Variants in INPP5K observed in about 807,000 individuals in gnomAD.
The protein encoded by INPP5K is inositol polyphosphate-5-phosphatase K.
A neutral mutation model predicts 53.5 loss-of-function variants in INPP5K; 35 were observed. That is an observed-to-expected ratio of 0.65 (90% confidence interval 0.50 to 0.87). INPP5K has a LOEUF of 0.87. Among genes scored for constraint, INPP5K ranks in the 40% least tolerant of loss-of-function variants. The pLI is 0.00. For synonymous variants in INPP5K, 253 were observed against 232.8 expected (o/e 1.09, Z -0.79); for missense variants, 550 against 586.2 (o/e 0.94, Z 0.64).
chr17:1,496,420 G>A lies in INPP5K; in HGVS notation c.1102-18C>T, dbSNP rs1338307579. The A allele has an allele frequency of 1.9e-6, 3 of 1,548,272 alleles. No individual in the cohort carries two copies. The Admixed American group carries it at 5.8e-5, about 30-fold the overall frequency. ...AGCCCCACCTGTGAGGGGGAGTCAG[G>A]CCATCAGTGGTCAGGGAGGACATGG... On this transcript the variant is annotated intron_variant, in intron 9 of 11. Coordinates refer to ENST00000421807, the MANE Select transcript of INPP5K (RefSeq NM_016532.4).
At chr17:1,496,198 C>G in intron 10 of INPP5K, 34 bp from the exon 11 acceptor site, 1 of 1,544,680 alleles carries the variant, frequency 6.5e-7, no homozygotes, top group Non-Finnish European at 8.9e-7. Flanking sequence ...GGGTCAGCTC[C>G]AGGGCTCTGG....
intron 7 of INPP5K, among the ~76,000 whole-genome samples, chr17:1,506,235 G>T (rs1039638578): frequency 6.6e-6 from 1 of 152,108 alleles, no homozygotes; most frequent in South Asian, 2.1e-4. Flanking sequence ...TGTTGGTCAG[G>T]CTGGTCTCAA....
chr17:1,513,944 G>A lies in INPP5K; in HGVS notation c.80C>T (p.Ala27Val). ...CAGGTCACTGAGATCTAGAGGGGGC[G>A]CTGCCGAAGCCACGTTCCAAGTCAC... ...HVVTWNVASA[A>V]PPLDLSDLLQ... Residue 27 changes from alanine (A) to valine (V), a missense_variant, in exon 2 of 12, where the codon GCG (alanine) becomes GTG (valine). Ala to Val is a moderately conservative substitution (Grantham distance 64). Coordinates refer to ENST00000421807, the MANE Select transcript of INPP5K (RefSeq NM_016532.4). 6.2e-6 allele frequency: 10 copies of A among 1,612,562 alleles called. No individual in the cohort carries two copies. Among genetic ancestry groups the A allele is most frequent in the East Asian group, 2.2e-5 (1 of 44,844 alleles).
rs759025302 is a variant in INPP5K at position 1,498,018 on chromosome 17, G to T, written c.881C>A (p.Ser294Tyr). The stretch of plus-strand genomic sequence containing the variant: ...GCTGCTGTAGCCCCTCAGAGACAAG[G>T]AGAAGTGTGACGCCGGCGGTATGGG... Reference protein sequence around the residue: ...DTPIPPASHFSLSLRGYSSHM... With the variant: ...DTPIPPASHFYLSLRGYSSHM... The change falls in exon 8 of 12, where the codon TCC (serine) becomes TAC (tyrosine). Residue 294 changes from serine to tyrosine, a missense_variant. Coordinates refer to ENST00000421807, the MANE Select transcript of INPP5K (RefSeq NM_016532.4). 6.2e-7 allele frequency: 1 copy of T among 1,614,188 alleles called. No individual in the cohort carries two copies. The highest frequency in any genetic ancestry group is 1.1e-5 in the South Asian group (1 of 91,082).
intron 1 of INPP5K, 126 bp from the exon 2 acceptor site, chr17:1,514,105 C>T (rs1374624445): frequency 2.0e-6 from 1 of 506,886 alleles, no homozygotes; most frequent in African/African-American, 2.0e-5. Context: ...GGCGGATCAC[C>T]TGAGGTCGGG....
At chr17:1,496,983 G>GA (rs1178605006) in intron 8 of INPP5K, among the ~76,000 whole-genome samples, 180 bp from the exon 9 acceptor site, 1 of 152,220 alleles carries the variant, frequency 6.6e-6, no homozygotes, top group African/African-American at 2.4e-5. Context: ...AAAGAGGGCC[G>GA]AACACCAGTC....
At chr17:1,514,567 G>A (rs1048244313) in intron 1 of INPP5K, among the ~76,000 whole-genome samples, 14 of 152,144 alleles carry the variant, frequency 9.2e-5, no homozygotes, top group East Asian at 3.9e-4. Context: ...TAGCAGAGTC[G>A]CCAAAGGGAG....
chr17:1,499,919 TCTCA>T lies in INPP5K; in HGVS notation c.777-1801_777-1798del, dbSNP rs549240152. Among the ~76,000 whole-genome samples, 719 of 152,366 alleles carry T rather than the reference TCTCA, an allele frequency of 4.7e-3. 3 individuals are homozygous for T. The highest frequency in any genetic ancestry group is 7.6e-3 in the Non-Finnish European group (518 of 68,032). ...TCTCATCTATTGATCGATCGACAGGTCTCACTGTGTTGAATCCTATCTACCTACC... is the reference window on the plus strand; with the variant it reads ...TCTCATCTATTGATCGATCGACAGGTCTGTGTTGAATCCTATCTACCTACC... On this transcript the variant is annotated intron_variant, in intron 7 of 11. Transcript: ENST00000421807.
intron 7 of INPP5K, among the ~76,000 whole-genome samples, chr17:1,504,582 C>T (rs7208369): frequency 0.022 from 3,345 of 152,312 alleles, 130 homozygotes; most frequent in African/African-American, 0.075. Flanking sequence ...TCTACAGACA[C>T]AGATATGAGT....
Position 1,507,055 on chromosome 17 carries a change from C to A in INPP5K, c.701G>T (p.Arg234Leu). The A allele has an allele frequency of 6.2e-7, 1 of 1,613,964 alleles. No individual in the cohort carries two copies. Among genetic ancestry groups the A allele is most frequent in the Non-Finnish European group, 8.5e-7 (1 of 1,179,952 alleles). The change falls in exon 7 of 12, where the codon CGG becomes CTG. Residue 234 changes from arginine to leucine, a missense_variant. Physicochemically the swap from Arg to Leu is moderately radical, Grantham distance 102 (BLOSUM62 -2). Transcript: ENST00000421807. Reference sequence around the variant, plus strand: ...GAGTAGGCGGCCCTCCTGGAACTCCCGGAGCAGCGGGTCATGTTTCTTGGC... The same window carrying A: ...GAGTAGGCGGCCCTCCTGGAACTCCAGGAGCAGCGGGTCATGTTTCTTGGC... ...SIAKKHDPLL[R>L]EFQEGRLLFP...
Position 1,494,936 on chromosome 17 carries a change from C to CT in INPP5K, c.*886dup, listed in dbSNP as rs1321995608. Reference sequence around the variant, plus strand: ...GTTCTCCCTTCTGCCTGCCCCCACTCTGAGGTCCCGGGGGGTCCAGGGGGG... The same window carrying CT: ...GTTCTCCCTTCTGCCTGCCCCCACTCTTGAGGTCCCGGGGGGTCCAGGGGGG... On this transcript the variant is annotated 3_prime_UTR_variant, in exon 12 of 12. Coordinates refer to ENST00000421807, the MANE Select transcript of INPP5K (RefSeq NM_016532.4). The CT allele has an allele frequency of 6.6e-6, 1 of 152,386 alleles. No individual in the cohort carries two copies. The highest frequency in any genetic ancestry group is 1.5e-5 in the Non-Finnish European group (1 of 68,166). The allele number at this position is 152,386 out of a possible 1,614,324, so 9.4% of individuals were successfully genotyped here.
rs2074816454 is a variant in INPP5K at position 1,495,826 on chromosome 17, G to C, written c.1344C>G (p.Ile448Met). The C allele has an allele frequency of 2.5e-6, 4 of 1,612,240 alleles. No homozygotes were observed. The highest frequency in any genetic ancestry group is 3.4e-6 in the Non-Finnish European group (4 of 1,178,568). Residue 448 changes from isoleucine to methionine, a missense_variant, in exon 12 of 12, where the codon ATC becomes ATG. By Grantham distance (10) the Ile-to-Met change is conservative. Coordinates refer to ENST00000421807, the MANE Select transcript of INPP5K (RefSeq NM_016532.4). The stretch of plus-strand genomic sequence containing the variant: ...TGGGATTCACTCCCATCCTGGCTCA[G>C]ATCTGTGGCTGTGCTTCACCCAGTG... ...EDPLGEAQPQI is the reference protein window; with the variant it reads ...EDPLGEAQPQM
intron 3 of INPP5K, 88 bp from the exon 4 acceptor site, chr17:1,509,887 G>T (rs1358818814): frequency 2.3e-5 from 17 of 747,348 alleles, no homozygotes. Context: ...ACTCTAGAGA[G>T]CCCTCAGCTA....
intron 7 of INPP5K, among the ~76,000 whole-genome samples, chr17:1,505,055 T>C (rs2075121047): frequency 1.3e-5 from 2 of 152,126 alleles, no homozygotes; most frequent in Admixed American, 6.5e-5. Flanking sequence ...CTCCTGGAGG[T>C]CTCTCTGCCA....
intron 3 of INPP5K, among the ~76,000 whole-genome samples, chr17:1,512,688 C>G (rs1332817736): frequency 3.3e-5 from 5 of 152,124 alleles, no homozygotes; most frequent in African/African-American, 1.2e-4. Flanking sequence ...TGTGGACTCT[C>G]CTACTGTCTA....
chr17:1,508,254 G>C (rs1290980614), intron 5 of INPP5K, 28 bp from the exon 6 acceptor site: 1 of 1,556,422 alleles, frequency 6.4e-7, no homozygotes, highest in Non-Finnish European at 8.9e-7. Flanking sequence ...GGCAGCCTGA[G>C]GATTTGTGAT....
chr17:1,502,308 C>T (rs2075045922), intron 7 of INPP5K, among the ~76,000 whole-genome samples: 1 of 151,904 alleles, frequency 6.6e-6, no homozygotes, highest in Admixed American at 6.6e-5. Flanking sequence ...GAGATCGCGC[C>T]ACTGCACTCC....
chr17:1,508,641 C>A, intron 5 of INPP5K: 1 of 308,364 alleles, frequency 3.2e-6, no homozygotes, highest in Non-Finnish European at 6.2e-6. Flanking sequence ...AGATGGGCAC[C>A]AGGGAAGGGT....
intron 9 of INPP5K, 98 bp downstream of exon 9, chr17:1,496,568 G>A: frequency 6.7e-7 from 1 of 1,502,492 alleles, no homozygotes; most frequent in Non-Finnish European, 9.2e-7. Context: ...GGGTGGATGA[G>A]GGTGAGTTCG....
Sources: gnomAD v4.1 joint callset for allele counts (sites outside exome capture counted in the v4.1 genomes callset) on GRCh38, gnomAD v4.1.1 for gene constraint, MANE v1.5 for transcripts, NCBI Gene and HGNC (gene_info 2026-07-23, HGNC 2026-07-21) for gene names.